Variants in RBM33 observed in about 807,000 individuals in gnomAD.
RBM33 encodes RNA-binding protein 33.
In RBM33, 28 loss-of-function variants were observed where a neutral mutation model predicts 132.6. The observed-to-expected ratio is 0.21, with a 90% confidence interval of 0.16 to 0.29. RBM33 has a LOEUF of 0.29. Ranked by LOEUF, RBM33 falls within the 10% of genes least tolerant of loss-of-function variation. RBM33 has a pLI of 1.00. For synonymous variants in RBM33, 634 were observed against 593.0 expected (o/e 1.07, Z -1.01); for missense variants, 1,291 against 1,518.5 (o/e 0.85, Z 2.49).
At chr7:155,734,802 G>T (rs1261173654) in intron 9 of RBM33, among the ~76,000 whole-genome samples, 1 of 152,110 alleles carries the variant, frequency 6.6e-6, no homozygotes, top group Non-Finnish European at 1.5e-5. Context: ...GCCAATTTGC[G>T]TGGGTTGGAA....
At chr7:155,695,307 T>C (rs1799761084) in intron 5 of RBM33, among the ~76,000 whole-genome samples, 1 of 152,238 alleles carries the variant, frequency 6.6e-6, no homozygotes, top group Admixed American at 6.5e-5. Flanking sequence ...TCTACATGTA[T>C]CATCTCTATG....
At chr7:155,723,558 A>G (rs1748429339) in intron 9 of RBM33, among the ~76,000 whole-genome samples, 1 of 152,232 alleles carries the variant, frequency 6.6e-6, no homozygotes, top group Non-Finnish European at 1.5e-5. Context: ...AATCATATCA[A>G]TGAATTCCCA....
chr7:155,665,308 C>T (rs1798771961), intron 2 of RBM33, 55 bp downstream of exon 2: 3 of 1,500,566 alleles, frequency 2.0e-6, no homozygotes, highest in Non-Finnish European at 2.8e-6. Context: ...CTCATTCTGA[C>T]ACTTGGCTCC....
rs1415575703 is a variant in RBM33, at chr7:155,742,064, C to T, written c.2295C>T (p.Ser765=). 6 of 1,613,942 alleles carry T rather than the reference C, an allele frequency of 3.7e-6. No homozygotes were observed. The highest frequency in any genetic ancestry group is 1.3e-5 in the African/African-American group (1 of 75,036). The part of the protein sequence containing the change: ...GKTEVKVKPA[S]PVAQPKEEAK... ...CGGAAGTGAAAGTCAAGCCAGCTAG[C>T]CCTGTGGCTCAACCTAAAGAAGAGG... Residue 765 remains serine (S), a synonymous_variant, in exon 13 of 18, where the codon AGC becomes AGT. Transcript: ENST00000401878.
intron 8 of RBM33, among the ~76,000 whole-genome samples, chr7:155,716,456 C>G (rs926287015): frequency 2.6e-5 from 4 of 151,848 alleles, no homozygotes; most frequent in African/African-American, 7.3e-5. Context: ...TGCTCTCATT[C>G]TCCTGGTTAA....
chr7:155,740,500 G>A (rs1801296945), intron 12 of RBM33, among the ~76,000 whole-genome samples: 1 of 152,250 alleles, frequency 6.6e-6, no homozygotes, highest in South Asian at 2.1e-4. Context: ...AAATACAGCA[G>A]TGAACAGAAG....
intron 14 of RBM33, among the ~76,000 whole-genome samples, chr7:155,762,339 C>T (rs1802064844): frequency 6.6e-6 from 1 of 152,250 alleles, no homozygotes; most frequent in Admixed American, 6.5e-5. Context: ...TGGGGAACTT[C>T]AGGCCTTACT....
intron 14 of RBM33, among the ~76,000 whole-genome samples, chr7:155,757,267 T>C (rs1241568132): frequency 1.3e-5 from 2 of 152,134 alleles, no homozygotes; most frequent in African/African-American, 4.8e-5. Flanking sequence ...CACATTCTAG[T>C]GTGAACTGGA....
chr7:155,645,102 C>G (rs933089213), intron 1 of RBM33, 183 bp downstream of exon 1: 4 of 513,932 alleles, frequency 7.8e-6, no homozygotes, highest in African/African-American at 6.1e-5. Flanking sequence ...TTTCTCGCTC[C>G]TCCTCTCCGC....
In RBM33 at chr7:155,695,210, A is replaced by G. The variant is rs139846440; in HGVS notation, c.568-5563A>G. Among the ~76,000 whole-genome samples, 699 of 152,322 alleles carry G rather than the reference A, an allele frequency of 4.6e-3. 8 individuals carry two copies. Among genetic ancestry groups the G allele is most frequent in the African/African-American group, 0.016 (656 of 41,578 alleles). On this transcript the variant is annotated intron_variant, in intron 5 of 17. Coordinates refer to ENST00000401878, the MANE Select transcript of RBM33 (RefSeq NM_053043.3). ...CTAGTTTTAGTCTCTCACTCAAAAA[A>G]AAGTGGGTTGTCTTTTTATTTGTTT... is the stretch of plus-strand genomic sequence containing the variant.
At chr7:155,725,203 G>GTTTTTTTTTTTTTTTTTTT (rs59050644) in intron 9 of RBM33, among the ~76,000 whole-genome samples, 7 of 105,178 alleles carry the variant, frequency 6.7e-5, no homozygotes, top group Non-Finnish European at 1.2e-4. Context: ...TTTTTTAGTT[G>GTTTTTTTTTTTTTTTTTTT]TTTTTTTTTT....
At chr7:155,647,219 A>C (rs1798224404) in intron 1 of RBM33, among the ~76,000 whole-genome samples, 1 of 152,166 alleles carries the variant, frequency 6.6e-6, no homozygotes, top group African/African-American at 2.4e-5. Context: ...TATGCCATGC[A>C]CTCTAATGTT....
chr7:155,757,882 G>A (rs937674058), intron 14 of RBM33, among the ~76,000 whole-genome samples: 9 of 130,640 alleles, frequency 6.9e-5, no homozygotes, highest in Non-Finnish European at 1.4e-4. Context: ...ATGGTGGTGT[G>A]GGGTGGGGGG....
At position 155,648,957 on chromosome 7, in the gene RBM33, AGT is replaced by A. The variant is rs368130914; in HGVS notation, c.43+4042_43+4043del. On this transcript the variant is annotated intron_variant, in intron 1 of 17. Transcript: ENST00000401878. ...ATTCTCTTTGTCTTTGGCTTTTGAT[AGT>A]GTGATCATAATGTGTTTCTGTGTGG... Among the ~76,000 whole-genome samples, 105 of 152,258 alleles carry A rather than the reference AGT, an allele frequency of 6.9e-4. 2 individuals carry two copies. In the East Asian group the frequency reaches 0.016, roughly 23 times the overall value.
intron 3 of RBM33, among the ~76,000 whole-genome samples, chr7:155,673,940 G>GTTGTTGTTTTT: frequency 1.3e-4 from 7 of 54,196 alleles, no homozygotes; most frequent in African/African-American, 1.6e-4. Flanking sequence ...TTTAGGCTTA[G>GTTGTTGTTTTT]TTTTTTTTTT....
intron 6 of RBM33, among the ~76,000 whole-genome samples, chr7:155,701,763 C>T (rs1038382315): frequency 6.6e-6 from 1 of 152,170 alleles, no homozygotes; most frequent in Non-Finnish European, 1.5e-5. Context: ...TCTTGGCTCA[C>T]AGCAACCACC....
chr7:155,767,629 G>C (rs1802268721), intron 16 of RBM33, among the ~76,000 whole-genome samples: 1 of 152,214 alleles, frequency 6.6e-6, no homozygotes, highest in Admixed American at 6.5e-5. Flanking sequence ...CATGTTACTT[G>C]GGTTTAATTG....
At chr7:155,687,251 T>C (rs1799508574) in intron 5 of RBM33, among the ~76,000 whole-genome samples, 1 of 152,268 alleles carries the variant, frequency 6.6e-6, no homozygotes, top group Non-Finnish European at 1.5e-5. Context: ...CATTTTTTCA[T>C]GTGTCTGTTG....
In RBM33 at chr7:155,774,120, G is replaced by A. The variant is rs1047280038; in HGVS notation, c.3376-439G>A. Among the ~76,000 whole-genome samples the A allele has an allele frequency of 2.6e-5, 4 of 152,232 alleles. No individual in the cohort carries two copies. Among genetic ancestry groups the A allele is most frequent in the Non-Finnish European group, 5.9e-5 (4 of 68,038 alleles). On this transcript the variant is annotated intron_variant, in intron 16 of 17. Coordinates refer to ENST00000401878, the MANE Select transcript of RBM33 (RefSeq NM_053043.3). This position sits in a 1 kb window ranked among gnomAD's most constrained non-coding sequence, Gnocchi z 4.2. The stretch of plus-strand genomic sequence containing the variant: ...GACTAGGGGCCATTGCCTACTGTGG[G>A]CTGTGGGGCCCCCATACTAAACAGT...
Sources: allele counts gnomAD v4.1 joint callset (sites outside exome capture counted in the v4.1 genomes callset), GRCh38; gene constraint gnomAD v4.1.1; non-coding constraint Gnocchi (gnomAD v3.1); transcripts MANE v1.5; gene names NCBI Gene and HGNC (gene_info 2026-07-23, HGNC 2026-07-21).